DPF3: variants seen among roughly 807,000 people sequenced by gnomAD.
The protein encoded by DPF3 is zinc finger protein DPF3.
DPF3 carries 18 observed loss-of-function variants against 56.8 expected under a neutral mutation model. That is an observed-to-expected ratio of 0.32 (90% CI 0.22 to 0.47). The LOEUF (loss-of-function observed/expected upper bound fraction) is 0.47. Ranked by LOEUF, DPF3 falls within the 20% of genes least tolerant of loss-of-function variation. The pLI, the probability that DPF3 is intolerant of heterozygous loss-of-function variation, is 1.00. For missense variants in DPF3, 403 were observed against 488.8 expected, an observed-to-expected ratio of 0.82 and a Z score of 1.65; for synonymous variants, 188 against 180.2, an observed-to-expected ratio of 1.04 and a Z score of -0.35.
At chr14:72,829,215 G>C (rs1035522121) in intron 1 of DPF3, among the ~76,000 whole-genome samples, 2 of 152,118 alleles carry the variant, frequency 1.3e-5, no homozygotes, top group African/African-American at 2.4e-5. Context: ...AGATTATTAA[G>C]ATCATTAGGG....
chr14:72,672,673 A>G (rs1019887401), intron 8 of DPF3, among the ~76,000 whole-genome samples: 12 of 152,074 alleles, frequency 7.9e-5, no homozygotes, highest in African/African-American at 2.7e-4. Flanking sequence ...GAAAAAAACA[A>G]CTTCCCACTC....
chr14:72,759,912 C>T (rs1362006424), intron 2 of DPF3, among the ~76,000 whole-genome samples: 1 of 152,090 alleles, frequency 6.6e-6, no homozygotes, highest in African/African-American at 2.4e-5. Context: ...GAATTCTATA[C>T]CCAGCTAAAA....
chr14:72,610,670 G>T lies in DPF3; in HGVS notation c.*8627C>A, dbSNP rs1272932356. Among the ~76,000 whole-genome samples the T allele has an allele frequency of 6.6e-6, 1 of 152,174 alleles. No homozygotes were observed. Among genetic ancestry groups the T allele is most frequent in the African/African-American group, 2.4e-5 (1 of 41,426 alleles). The stretch of plus-strand genomic sequence containing the variant: ...CAGCACAGCATCAGGCCAGGAAGGC[G>T]CCTGATGAGACCGTGTTCTCAGCCT... On this transcript the variant is annotated 3_prime_UTR_variant, in exon 11 of 11. Transcript: ENST00000556509.
chr14:72,629,810 C>T (rs997813049), intron 8 of DPF3, 74 bp from the exon 9 acceptor site: 2 of 1,192,218 alleles, frequency 1.7e-6, no homozygotes, highest in Non-Finnish European at 2.4e-6. Flanking sequence ...TCACTGGAAA[C>T]ACATTGATGC....
chr14:72,805,229 G>C (rs759700901), intron 1 of DPF3, among the ~76,000 whole-genome samples: 2 of 152,210 alleles, frequency 1.3e-5, no homozygotes, highest in Non-Finnish European at 2.9e-5. Context: ...CCAGCACTTT[G>C]GGAGGGCGAG....
At chr14:72,758,946 T>C (rs910754822) in intron 2 of DPF3, among the ~76,000 whole-genome samples, 2 of 152,156 alleles carry the variant, frequency 1.3e-5, no homozygotes, top group African/African-American at 4.8e-5. Flanking sequence ...TTACAAGGCA[T>C]GTAAAGAAGC....
chr14:72,860,864 C>A (rs932471595), intron 1 of DPF3, among the ~76,000 whole-genome samples: 4 of 152,206 alleles, frequency 2.6e-5, no homozygotes, highest in Non-Finnish European at 4.4e-5. Context: ...CCACGCCCGG[C>A]AGCTTAATTC....
chr14:72,693,307 C>T, intron 6 of DPF3, 94 bp from the exon 7 acceptor site: 1 of 1,414,572 alleles, frequency 7.1e-7, no homozygotes, highest in South Asian at 1.4e-5. Flanking sequence ...TCCCATCCAT[C>T]CACCCCAGAG....
At chr14:72,862,846 C>T (rs930193631) in intron 1 of DPF3, among the ~76,000 whole-genome samples, 1 of 152,140 alleles carries the variant, frequency 6.6e-6, no homozygotes, top group Non-Finnish European at 1.5e-5. Flanking sequence ...GTTACATTAT[C>T]ATCTGGGTGC....
intron 7 of DPF3, among the ~76,000 whole-genome samples, chr14:72,682,516 C>T (rs1017065730): frequency 9.2e-5 from 14 of 152,116 alleles, no homozygotes; most frequent in African/African-American, 2.9e-4. Context: ...TTTAAGTTGT[C>T]GGGATATTAT....
chr14:72,663,186 T>TAAAAAAAAAAA (rs1555493398), intron 8 of DPF3, among the ~76,000 whole-genome samples: 3 of 96,034 alleles, frequency 3.1e-5, no homozygotes, highest in Admixed American at 1.1e-4. Context: ...AAAAAAAAAT[T>TAAAAAAAAAAA]CCCCTCCACT....
chr14:72,690,587 C>A (rs573540994), intron 7 of DPF3, among the ~76,000 whole-genome samples: 1 of 145,224 alleles, frequency 6.9e-6, no homozygotes, highest in African/African-American at 2.5e-5. Flanking sequence ...ATACACAACA[C>A]GTATACACAC....
intron 8 of DPF3, among the ~76,000 whole-genome samples, chr14:72,664,736 G>GT (rs575637632): frequency 1.3e-3 from 191 of 152,254 alleles, no homozygotes; most frequent in Non-Finnish European, 2.1e-3. Flanking sequence ...GTGAGATTTG[G>GT]TAAGACTTCC....
At position 72,615,576 on chromosome 14, in the gene DPF3, T is replaced by C. The variant is rs76944101; in HGVS notation, c.*3721A>G. Among the ~76,000 whole-genome samples, 3,536 of 152,222 alleles carry C rather than the reference T, an allele frequency of 0.023. 147 individuals carry two copies. Among genetic ancestry groups the C allele is most frequent in the African/African-American group, 0.081 (3,380 of 41,508 alleles). ...CTTCAAAACCTGTTCTCTTCCCCAG[T>C]TCTGGAGGAATCTGGCCTCCTTCCC... On this transcript the variant is annotated 3_prime_UTR_variant, in exon 11 of 11. Transcript: ENST00000556509.
intron 1 of DPF3, among the ~76,000 whole-genome samples, chr14:72,871,628 A>G (rs959985477): frequency 5.3e-5 from 8 of 152,212 alleles, no homozygotes; most frequent in African/African-American, 1.9e-4. Flanking sequence ...CCGCCCCTGC[A>G]AACACCCATT....
At chr14:72,669,034 C>A in intron 8 of DPF3, among the ~76,000 whole-genome samples, 1 of 152,134 alleles carries the variant, frequency 6.6e-6, no homozygotes, top group East Asian at 1.9e-4. Context: ...CAGAACAACC[C>A]AAAAGTGGTT....
intron 6 of DPF3, among the ~76,000 whole-genome samples, chr14:72,696,420 T>G (rs1011758338): frequency 1.3e-5 from 2 of 152,206 alleles, no homozygotes; most frequent in Non-Finnish European, 2.9e-5. Flanking sequence ...CTCCTTGAAT[T>G]ATGGCTATGT....
rs554496953 is a variant in DPF3, at chr14:72,616,812, C to T, written c.*2485G>A. On this transcript the variant is annotated 3_prime_UTR_variant, in exon 11 of 11. Coordinates refer to ENST00000556509, the MANE Select transcript of DPF3 (RefSeq NM_001280542.3). ...AGACCAATTTAAAGTTTACCAACCC[C>T]GTCCTCTTTTGAACACAGAGGTGAT... Among the ~76,000 whole-genome samples the T allele has an allele frequency of 1.4e-4, 22 of 152,192 alleles. 1 individual carries two copies. Among genetic ancestry groups the T allele is most frequent in the Non-Finnish European group, 2.5e-4 (17 of 68,032 alleles).
chr14:72,619,494 C>A, intron 10 of DPF3, 127 bp from the exon 11 acceptor site: 4 of 1,060,770 alleles, frequency 3.8e-6, no homozygotes, highest in Admixed American at 2.3e-5. Context: ...AAGTCCCAGG[C>A]CTGAAAACGT....
Sources: gnomAD v4.1 joint callset for allele counts (sites outside exome capture counted in the v4.1 genomes callset) on GRCh38, gnomAD v4.1.1 for gene constraint, MANE v1.5 for transcripts, NCBI Gene and HGNC (gene_info 2026-07-23, HGNC 2026-07-21) for gene names.